The following CNTN4 variants were observed in gnomAD, a reference collection of about 807,000 sequenced individuals.
The protein encoded by CNTN4 is contactin 4.
CNTN4 carries 77 observed loss-of-function variants against 122.5 expected under a neutral mutation model. The ratio of observed to expected loss-of-function variants is 0.63; its 90% CI spans 0.52 to 0.76. The LOEUF (loss-of-function observed/expected upper bound fraction) is 0.76. CNTN4 is among the 30% of genes least tolerant of loss of function. The pLI is 0.00. For synonymous variants in CNTN4, 512 were observed against 447.0 expected, an observed-to-expected ratio of 1.15 and a Z score of -1.83; for missense variants, 1,256 against 1,259.1, an observed-to-expected ratio of 1.00 and a Z score of 0.04.
chr3:2,394,752 T>G (rs959859129), intron 3 of CNTN4, among the ~76,000 whole-genome samples: 1 of 151,456 alleles, frequency 6.6e-6, no homozygotes, highest in African/African-American at 2.4e-5. Context: ...TCCAAGAGAA[T>G]TGAAAACATG....
At chr3:2,458,833 A>T (rs1472515983) in intron 3 of CNTN4, among the ~76,000 whole-genome samples, 1 of 152,194 alleles carries the variant, frequency 6.6e-6, no homozygotes, top group East Asian at 1.9e-4. Flanking sequence ...CCTGGTGACT[A>T]TAATGCAGGG....
intron 2 of CNTN4, among the ~76,000 whole-genome samples, chr3:2,317,388 A>G (rs991960940): frequency 2.6e-5 from 4 of 152,198 alleles, no homozygotes; most frequent in Admixed American, 6.5e-5. Flanking sequence ...TCATCAAAAT[A>G]ATAACCAAAA....
At chr3:2,701,002 G>T (rs1232521382) in intron 4 of CNTN4, among the ~76,000 whole-genome samples, 1 of 152,132 alleles carries the variant, frequency 6.6e-6, no homozygotes, top group Non-Finnish European at 1.5e-5. Flanking sequence ...AGGTGAAATT[G>T]CTCATAGATA....
At chr3:2,187,127 C>G (rs143000481) in intron 2 of CNTN4, among the ~76,000 whole-genome samples, 2,645 of 152,176 alleles carry the variant, frequency 0.017, 64 homozygotes, top group African/African-American at 0.057. Context: ...AAGGGATCCA[C>G]TTTCAGCTTT....
chr3:3,019,061 T>C (rs1191756631), intron 14 of CNTN4, among the ~76,000 whole-genome samples: 2 of 152,118 alleles, frequency 1.3e-5, no homozygotes, highest in African/African-American at 4.8e-5. Flanking sequence ...CTAATGTAAG[T>C]AAGTATATAA....
chr3:2,567,827 C>T (rs958567578), intron 3 of CNTN4, among the ~76,000 whole-genome samples: 1 of 152,104 alleles, frequency 6.6e-6, no homozygotes, highest in African/African-American at 2.4e-5. Flanking sequence ...AATGGTAGCC[C>T]CTTTGAGGAG....
At chr3:2,320,490 A>C (rs1338190184) in intron 2 of CNTN4, among the ~76,000 whole-genome samples, 1 of 152,144 alleles carries the variant, frequency 6.6e-6, no homozygotes, top group African/African-American at 2.4e-5. Context: ...CATAGAATCA[A>C]TCTATGCTAT....
intron 14 of CNTN4, among the ~76,000 whole-genome samples, chr3:2,995,446 C>A (rs1198619519): frequency 1.3e-5 from 2 of 152,178 alleles, no homozygotes; most frequent in African/African-American, 2.4e-5. Flanking sequence ...TGATTGCATA[C>A]CATGACAGTC....
chr3:2,533,442 G>C (rs1196374901), intron 3 of CNTN4, among the ~76,000 whole-genome samples: 1 of 152,076 alleles, frequency 6.6e-6, no homozygotes, highest in Admixed American at 6.6e-5. Flanking sequence ...CATCATCCAT[G>C]TCCCTACAAA....
intron 3 of CNTN4, among the ~76,000 whole-genome samples, chr3:2,475,638 T>C (rs906306590): frequency 7.9e-5 from 12 of 152,226 alleles, no homozygotes; most frequent in African/African-American, 2.9e-4. Flanking sequence ...TGCTTATTTT[T>C]GTTTGACTGT....
intron 17 of CNTN4, among the ~76,000 whole-genome samples, chr3:3,036,584 G>A (rs768915866): frequency 2.0e-5 from 3 of 148,118 alleles, no homozygotes; most frequent in East Asian, 2.0e-4. Context: ...GAAATGAGGC[G>A]AAATCCCGTC....
rs147615016 is a variant in CNTN4 at position 2,365,079 on chromosome 3, A to G, written c.-89+25846A>G. ...TAAATTTTCAATTTTGGAAACTCCT[A>G]TGGTTGTTCTTTGGTTTAATTTTTT... is the stretch of plus-strand genomic sequence containing the variant. On this transcript the variant is annotated intron_variant, in intron 3 of 24. Transcript: ENST00000418658. 1.2e-3 allele frequency among the ~76,000 whole-genome samples: 180 copies of G among 152,046 alleles called. 2 individuals are homozygous for G. The East Asian group carries it at 0.023, about 20-fold the overall frequency.
chr3:3,017,525 C>T (rs1245052284), intron 14 of CNTN4, among the ~76,000 whole-genome samples: 1 of 152,198 alleles, frequency 6.6e-6, no homozygotes, highest in Non-Finnish European at 1.5e-5. Flanking sequence ...GAGCTCCCTT[C>T]CAGGAACCTG....
At chr3:2,597,358 G>T (rs991596868) in intron 4 of CNTN4, among the ~76,000 whole-genome samples, 1 of 152,124 alleles carries the variant, frequency 6.6e-6, no homozygotes, top group Non-Finnish European at 1.5e-5. Context: ...TGTCCTCTAG[G>T]TTCAGCATTA....
chr3:2,324,461 A>C (rs1289579068), intron 2 of CNTN4, among the ~76,000 whole-genome samples: 1 of 152,170 alleles, frequency 6.6e-6, no homozygotes, highest in Non-Finnish European at 1.5e-5. Context: ...ATAAGACGGT[A>C]ACTTAAAATC....
chr3:2,848,296 G>A (rs775499209), intron 7 of CNTN4, among the ~76,000 whole-genome samples: 1 of 152,146 alleles, frequency 6.6e-6, no homozygotes, highest in Non-Finnish European at 1.5e-5. Context: ...CACTTACAGT[G>A]AGGCTGAGTA....
At chr3:3,012,940 C>A (rs1697383160) in intron 14 of CNTN4, among the ~76,000 whole-genome samples, 1 of 151,918 alleles carries the variant, frequency 6.6e-6, no homozygotes. Context: ...TGCACTCCAG[C>A]CCGGGCAACA....
At chr3:2,998,118 C>T (rs1222871545) in intron 14 of CNTN4, among the ~76,000 whole-genome samples, 3 of 152,160 alleles carry the variant, frequency 2.0e-5, no homozygotes, top group Admixed American at 2.0e-4. Flanking sequence ...CATGTATCTG[C>T]CTCCATTGGC....
chr3:2,669,569 C>G (rs7427799), intron 4 of CNTN4, among the ~76,000 whole-genome samples: 160 of 151,866 alleles, frequency 1.1e-3, no homozygotes, highest in African/African-American at 2.8e-3. Context: ...TTTTTTTGAA[C>G]GGTTTTTTGT....
Sources: allele counts gnomAD v4.1 joint callset (sites outside exome capture counted in the v4.1 genomes callset), GRCh38; gene constraint gnomAD v4.1.1; transcripts MANE v1.5; gene names NCBI Gene and HGNC (gene_info 2026-07-23, HGNC 2026-07-21).